The following TENM4 variants were observed in gnomAD, a reference collection of about 807,000 sequenced individuals.
TENM4 encodes teneurin transmembrane protein 4, also known as teneurin-4.
In TENM4, 82 loss-of-function variants were observed where a neutral mutation model predicts 243.3. The observed-to-expected ratio is 0.34, with a 90% CI of 0.28 to 0.40. TENM4 has a LOEUF of 0.40. Ranked by LOEUF, TENM4 falls within the 10% of genes least tolerant of loss-of-function variation. The pLI is 1.00. For missense variants in TENM4, 3,138 were observed against 3,673.3 expected (o/e 0.85, Z 3.77); for synonymous variants, 1,412 against 1,456.3 (o/e 0.97, Z 0.69).
chr11:79,388,732 A>G (rs1366067142), intron 1 of TENM4, among the ~76,000 whole-genome samples: 2 of 152,246 alleles, frequency 1.3e-5, no homozygotes, highest in Admixed American at 6.5e-5. Context: ...CATGGAGCTC[A>G]CAGTCATGGA....
At chr11:79,157,404 T>A (rs1356090407) in intron 3 of TENM4, among the ~76,000 whole-genome samples, 1 of 152,120 alleles carries the variant, frequency 6.6e-6, no homozygotes, top group African/African-American at 2.4e-5. Flanking sequence ...TCTGTTGCTT[T>A]CTCTCTTTCT....
At chr11:78,704,159 C>CTCTATATATATATA (rs1859183504) in intron 27 of TENM4, among the ~76,000 whole-genome samples, 1 of 106,028 alleles carries the variant, frequency 9.4e-6, no homozygotes, top group African/African-American at 3.7e-5. Context: ...GTATGTGTGT[C>CTCTATATATATATA]TATATATATA....
intron 3 of TENM4, among the ~76,000 whole-genome samples, chr11:79,192,530 G>A (rs372320586): frequency 0.02 from 3,062 of 151,998 alleles, 102 homozygotes; most frequent in African/African-American, 0.069. Context: ...GATTAAGGGC[G>A]GTGCAAGATG....
intron 1 of TENM4, among the ~76,000 whole-genome samples, chr11:79,398,885 G>A (rs1187088603): frequency 2.0e-5 from 3 of 151,828 alleles, no homozygotes; most frequent in Non-Finnish European, 2.9e-5. Context: ...GCCCTCGAGG[G>A]GACACTGGAA....
At chr11:78,942,108 T>TAA (rs34713120) in intron 6 of TENM4, among the ~76,000 whole-genome samples, 5,349 of 118,972 alleles carry the variant, frequency 0.045, 254 homozygotes, top group East Asian at 0.25. Context: ...GCTGATGAGC[T>TAA]AAAAAAAAAA....
At chr11:79,309,798 T>C (rs187063332) in intron 1 of TENM4, among the ~76,000 whole-genome samples, 4 of 152,290 alleles carry the variant, frequency 2.6e-5, no homozygotes, top group Non-Finnish European at 4.4e-5. Flanking sequence ...TCTGATTTCT[T>C]ATAGCATCGG....
chr11:78,844,964 G>C (rs1276332382), intron 12 of TENM4, among the ~76,000 whole-genome samples: 2 of 152,000 alleles, frequency 1.3e-5, no homozygotes, highest in Non-Finnish European at 2.9e-5. Flanking sequence ...CTTCTGCTCT[G>C]GCCCCAAGTT....
At chr11:78,843,187 A>T (rs1858303107) in intron 12 of TENM4, among the ~76,000 whole-genome samples, 1 of 152,224 alleles carries the variant, frequency 6.6e-6, no homozygotes, top group Non-Finnish European at 1.5e-5. Context: ...CTGAGGCAAG[A>T]GAATTGCTTG....
intron 4 of TENM4, among the ~76,000 whole-genome samples, chr11:79,086,963 C>CT (rs1555005810): frequency 6.6e-6 from 1 of 151,692 alleles, no homozygotes; most frequent in Non-Finnish European, 1.5e-5. Context: ...CATTCTGTAC[C>CT]TTTTTTTGAT....
At chr11:79,112,609 T>C (rs1457170675) in intron 4 of TENM4, among the ~76,000 whole-genome samples, 2 of 152,122 alleles carry the variant, frequency 1.3e-5, no homozygotes, top group African/African-American at 4.8e-5. Flanking sequence ...ACCCTTCTTT[T>C]AAATAGAAGC....
At chr11:79,424,203 A>G (rs1859000209) in intron 1 of TENM4, among the ~76,000 whole-genome samples, 1 of 152,138 alleles carries the variant, frequency 6.6e-6, no homozygotes, top group Non-Finnish European at 1.5e-5. Flanking sequence ...GGTTGTCACA[A>G]TTGGCGGGGA....
chr11:78,921,822 AGACT>A (rs1429071024), intron 6 of TENM4, among the ~76,000 whole-genome samples: 15 of 152,232 alleles, frequency 9.9e-5, no homozygotes, highest in Non-Finnish European at 2.1e-4. Context: ...TCAAACCCAC[AGACT>A]CTCTCCCTTC....
chr11:78,935,214 T>A (rs1203956900), intron 6 of TENM4, among the ~76,000 whole-genome samples: 2 of 151,440 alleles, frequency 1.3e-5, no homozygotes, highest in African/African-American at 4.9e-5. Context: ...GGTTTCACCT[T>A]GTTAGCCAGG....
At chr11:78,789,631 G>A (rs1857013177) in intron 15 of TENM4, among the ~76,000 whole-genome samples, 2 of 152,000 alleles carry the variant, frequency 1.3e-5, no homozygotes, top group African/African-American at 4.8e-5. Flanking sequence ...GGTGGTTTAT[G>A]GTGTGAAAGT....
intron 1 of TENM4, among the ~76,000 whole-genome samples, chr11:79,351,095 G>A (rs868482579): frequency 2.6e-5 from 4 of 152,240 alleles, no homozygotes; most frequent in African/African-American, 9.6e-5. Flanking sequence ...GCTGTTGTCT[G>A]CCAGGAATGC....
In TENM4 at chr11:78,771,215, C is replaced by T. The variant is rs1054311024; in HGVS notation, c.2393-77G>A. On this transcript the variant is annotated intron_variant, in intron 17 of 33. Transcript: ENST00000278550. ...TCACACACACTAACACGCTACCTGC[C>T]AACTTGCAAAATGCCTTCATATCCA... 4 of 1,517,348 alleles carry T rather than the reference C, an allele frequency of 2.6e-6. No individual in the cohort carries two copies. The African/African-American group carries it at 5.5e-5, about 21-fold the overall frequency. The allele number at this position is 1,517,348 out of a possible 1,614,324, so 94.0% of individuals were successfully genotyped here. A position where few individuals can be genotyped will look rare whatever the true frequency, so the allele number is the denominator to read the frequency against.
chr11:79,279,485 T>A (rs990745203), intron 2 of TENM4, among the ~76,000 whole-genome samples: 27 of 152,314 alleles, frequency 1.8e-4, no homozygotes, highest in African/African-American at 6.3e-4. Context: ...AATTATGTAA[T>A]GAATTGATTC....
chr11:78,662,713 T>G (rs1253346471), intron 32 of TENM4, among the ~76,000 whole-genome samples: 2 of 152,150 alleles, frequency 1.3e-5, no homozygotes, highest in African/African-American at 2.4e-5. Context: ...CTGAGTATCT[T>G]CTATGTGCCC....
chr11:78,758,887 C>G (rs909234979), intron 18 of TENM4, among the ~76,000 whole-genome samples: 1 of 152,168 alleles, frequency 6.6e-6, no homozygotes, highest in Non-Finnish European at 1.5e-5. Flanking sequence ...CTTAAACTCT[C>G]TGGCCTCAGT....
Sources: gnomAD v4.1 joint callset for allele counts (sites outside exome capture counted in the v4.1 genomes callset) on GRCh38, gnomAD v4.1.1 for gene constraint, MANE v1.5 for transcripts, NCBI Gene and HGNC (gene_info 2026-07-23, HGNC 2026-07-21) for gene names.